CFAP20DC: variants seen among roughly 807,000 people sequenced by gnomAD.
CFAP20DC encodes the protein protein CFAP20DC.
Under a neutral mutation model 101.7 loss-of-function variants are expected in CFAP20DC, and 84 were observed. That is an observed-to-expected ratio of 0.83 (90% confidence interval 0.69 to 0.99). The LOEUF is 0.99. CFAP20DC is among the 50% of genes least tolerant of loss of function. CFAP20DC has a pLI of 0.00. For missense variants in CFAP20DC, 1,007 were observed against 970.3 expected, an observed-to-expected ratio of 1.04 and a Z score of -0.50; for synonymous variants, 359 against 351.2, an observed-to-expected ratio of 1.02 and a Z score of -0.25.
At position 58,960,607 on chromosome 3, in the gene CFAP20DC, A is replaced by C. The variant is rs560276028; in HGVS notation, c.279-22845T>G. Among the ~76,000 whole-genome samples, 98 of 152,150 alleles carry C rather than the reference A, an allele frequency of 6.4e-4. 2 individuals are homozygous for C. In the South Asian group the frequency reaches 0.02, roughly 31 times the overall value. ...GCTCTTTGGTAGTAGAAATGCAATC[A>C]TTTCTGCATATATTGACTTTCATAT... is the stretch of plus-strand genomic sequence containing the variant. On this transcript the variant is annotated intron_variant, in intron 4 of 16. Transcript: ENST00000482387.
Position 58,874,291 on chromosome 3 carries a change from C to T in CFAP20DC, c.716-3982G>A, listed in dbSNP as rs2080544652. 6.6e-6 allele frequency among the ~76,000 whole-genome samples: 1 copy of T among 152,198 alleles called. No individual in the cohort carries two copies. Reference sequence around the variant, plus strand: ...CATCTCCTCCACCAGCACTGACATCCTCTTCCTCCTGGATGATGACAAAGC... The same window carrying T: ...CATCTCCTCCACCAGCACTGACATCTTCTTCCTCCTGGATGATGACAAAGC... On this transcript the variant is annotated intron_variant, in intron 7 of 16. Coordinates refer to ENST00000482387, the MANE Select transcript of CFAP20DC (RefSeq NM_001394063.1). The surrounding 1 kb of genome is among the most constrained non-coding windows in gnomAD (Gnocchi z 5.1).
chr3:58,818,787 G>A (rs1167388111), intron 14 of CFAP20DC, among the ~76,000 whole-genome samples: 23 of 119,010 alleles, frequency 1.9e-4, no homozygotes, highest in African/African-American at 4.4e-4. Context: ...TGCACCAAGC[G>A]GACCTAATAG....
At chr3:58,744,361 A>G (rs148900490) in intron 16 of CFAP20DC, among the ~76,000 whole-genome samples, 43 of 152,322 alleles carry the variant, frequency 2.8e-4, no homozygotes, top group Non-Finnish European at 5.6e-4. Flanking sequence ...ACTTTGTACC[A>G]GTCTATTCAG....
rs1427135220 is a variant in CFAP20DC, at chr3:58,722,433, G to T, written c.198-4805C>A. On this transcript the variant is annotated intron_variant, in intron 3 of 3. Coordinates refer to the CFAP20DC transcript ENST00000486145. This position sits in a 1 kb window ranked among gnomAD's most constrained non-coding sequence, Gnocchi z 4.5. ...TAAAGGAGCCATGATAGGCAATTTT[G>T]CCCAGAGCAGCAGGGTGGCAACTGA... Among the ~76,000 whole-genome samples the T allele has an allele frequency of 6.6e-6, 1 of 152,164 alleles. No homozygotes were observed. The highest frequency in any genetic ancestry group is 1.5e-5 in the Non-Finnish European group (1 of 68,024).
chr3:58,988,454 T>C (rs550254577), intron 4 of CFAP20DC, among the ~76,000 whole-genome samples: 9 of 152,284 alleles, frequency 5.9e-5, no homozygotes, highest in African/African-American at 2.2e-4. Context: ...CTTATTCTGG[T>C]AACTCAGGGA....
intron 6 of CFAP20DC, among the ~76,000 whole-genome samples, chr3:58,902,305 T>C (rs1006089387): frequency 8.5e-5 from 13 of 152,210 alleles, no homozygotes; most frequent in Non-Finnish European, 1.9e-4. Flanking sequence ...TTTGGGTATA[T>C]ACCTAGGAAT....
chr3:58,985,995 G>T (rs2092736784), intron 4 of CFAP20DC, among the ~76,000 whole-genome samples: 2 of 152,106 alleles, frequency 1.3e-5, no homozygotes, highest in African/African-American at 4.8e-5. Flanking sequence ...CTCATTCCCA[G>T]TTCAGCCTGT....
At chr3:58,807,294 C>A (rs2074168709) in intron 14 of CFAP20DC, among the ~76,000 whole-genome samples, 1 of 152,086 alleles carries the variant, frequency 6.6e-6, no homozygotes, top group Non-Finnish European at 1.5e-5. Flanking sequence ...GACCTCCAAG[C>A]AGCCTAACTG....
chr3:58,832,649 G>C (rs2076477107), intron 13 of CFAP20DC, among the ~76,000 whole-genome samples: 2 of 152,096 alleles, frequency 1.3e-5, no homozygotes, highest in Admixed American at 1.3e-4. Context: ...TGAAAGCCTG[G>C]AAGATCTCAT....
chr3:58,900,954 C>T (rs1182182325), intron 6 of CFAP20DC, among the ~76,000 whole-genome samples: 2 of 152,124 alleles, frequency 1.3e-5, no homozygotes, highest in African/African-American at 4.8e-5. Flanking sequence ...ATCATCATCC[C>T]CATTTTATTA....
At chr3:58,951,785 A>C (rs2090140271) in intron 4 of CFAP20DC, among the ~76,000 whole-genome samples, 1 of 152,158 alleles carries the variant, frequency 6.6e-6, no homozygotes, top group Admixed American at 6.5e-5. Context: ...GAGGGATAAC[A>C]TTAGGAGATA....
intron 3 of CFAP20DC, among the ~76,000 whole-genome samples, chr3:58,733,366 CAA>C (rs138192703): frequency 6.7e-6 from 1 of 148,758 alleles, no homozygotes; most frequent in Non-Finnish European, 1.5e-5. Flanking sequence ...ATAAAAAAAA[CAA>C]AAAAAAACTT....
Position 58,819,458 on chromosome 3 carries a change from A to T in CFAP20DC, c.2175+12228T>A, listed in dbSNP as rs1487014994. ...GACACAATAAAAAATGATAAAGGGG[A>T]TATCACCACCGATCCCACAGAAATA... On this transcript the variant is annotated intron_variant, in intron 14 of 16. Coordinates refer to ENST00000482387, the MANE Select transcript of CFAP20DC (RefSeq NM_001394063.1). Among the ~76,000 whole-genome samples, 126 of 150,544 alleles carry T rather than the reference A, an allele frequency of 8.4e-4. 1 individual carries two copies. Among genetic ancestry groups the T allele is most frequent in the African/African-American group, 2.6e-3 (105 of 41,166 alleles).
intron 8 of CFAP20DC, 85 bp downstream of exon 8, chr3:58,870,088 T>G: frequency 8.5e-6 from 4 of 471,724 alleles, no homozygotes; most frequent in Non-Finnish European, 8.8e-6. Context: ...TGTCTTTCCC[T>G]CCCTCCCTCC....
At chr3:58,931,373 C>G (rs1289628602) in intron 5 of CFAP20DC, among the ~76,000 whole-genome samples, 1 of 152,208 alleles carries the variant, frequency 6.6e-6, no homozygotes, top group African/African-American at 2.4e-5. Context: ...ACAGCAGTAA[C>G]CTCTGCAGAC....
intron 4 of CFAP20DC, among the ~76,000 whole-genome samples, chr3:58,951,453 C>T (rs1159116949): frequency 2.0e-5 from 3 of 152,208 alleles, no homozygotes; most frequent in Non-Finnish European, 4.4e-5. Context: ...AAGACACATG[C>T]ACACGTATGT....
chr3:58,827,564 C>A (rs2076126671), intron 14 of CFAP20DC, among the ~76,000 whole-genome samples: 1 of 152,190 alleles, frequency 6.6e-6, no homozygotes, highest in African/African-American at 2.4e-5. Flanking sequence ...AATTTGGCTT[C>A]CTTTTGGAAC....
intron 14 of CFAP20DC, among the ~76,000 whole-genome samples, chr3:58,829,306 G>A (rs2076241302): frequency 6.8e-6 from 1 of 146,294 alleles, no homozygotes; most frequent in South Asian, 2.2e-4. Flanking sequence ...GGGTAATAGG[G>A]TGAGACTCAG....
chr3:58,913,195 T>C lies in CFAP20DC; in HGVS notation c.550+513A>G, dbSNP rs2084326103. 6.6e-6 allele frequency among the ~76,000 whole-genome samples: 1 copy of C among 152,160 alleles called. No individual in the cohort carries two copies. Among genetic ancestry groups the C allele is most frequent in the Admixed American group, 6.6e-5 (1 of 15,258 alleles). On this transcript the variant is annotated intron_variant, in intron 6 of 16. Coordinates refer to ENST00000482387, the MANE Select transcript of CFAP20DC (RefSeq NM_001394063.1). This position sits in a 1 kb window ranked among gnomAD's most constrained non-coding sequence, Gnocchi z 4.4. ...GCTGTAACAGAAATTATGGAACTTATAGCCCAGCATTATGATGTGACTTAT... is the reference window on the plus strand; with the variant it reads ...GCTGTAACAGAAATTATGGAACTTACAGCCCAGCATTATGATGTGACTTAT...
Sources: allele counts gnomAD v4.1 joint callset (sites outside exome capture counted in the v4.1 genomes callset), GRCh38; gene constraint gnomAD v4.1.1; non-coding constraint Gnocchi (gnomAD v3.1); transcripts MANE v1.5; gene names NCBI Gene and HGNC (gene_info 2026-07-23, HGNC 2026-07-21).